KIF13A: variants seen among roughly 807,000 people sequenced by gnomAD.
KIF13A encodes kinesin family member 13A.
Under a neutral mutation model 212.2 loss-of-function variants are expected in KIF13A, and 79 were observed. That is an observed-to-expected ratio of 0.37 (90% CI 0.31 to 0.45). The LOEUF (loss-of-function observed/expected upper bound fraction) is 0.45, where lower values mean the gene tolerates loss of function less well. KIF13A is among the 20% of genes least tolerant of loss of function. The pLI is 1.00. For missense variants in KIF13A, 1,901 were observed against 2,209.0 expected (o/e 0.86, Z 2.79); for synonymous variants, 789 against 808.6 (o/e 0.98, Z 0.41).
At chr6:17,770,075 A>C (rs1759354808) in intron 38 of KIF13A, among the ~76,000 whole-genome samples, 1 of 152,194 alleles carries the variant, frequency 6.6e-6, no homozygotes, top group Non-Finnish European at 1.5e-5. Context: ...GGCCAACTGC[A>C]TATCTGGATT....
rs1777468134 is a variant in KIF13A at position 17,947,109 on chromosome 6, C to A, written c.146+39945G>T. On this transcript the variant is annotated intron_variant, in intron 2 of 38. Coordinates refer to ENST00000259711, the MANE Select transcript of KIF13A (RefSeq NM_022113.6). This position sits in a 1 kb window ranked among gnomAD's most constrained non-coding sequence, Gnocchi z 4.6. ...CATTTACAAAAATATTAAAACCAGGCAAATATAATATTAAAGTTGTTAAAT... is the reference window on the plus strand; with the variant it reads ...CATTTACAAAAATATTAAAACCAGGAAAATATAATATTAAAGTTGTTAAAT... Among the ~76,000 whole-genome samples, 1 of 151,876 alleles carries A rather than the reference C, an allele frequency of 6.6e-6. No individual in the cohort carries two copies. The highest frequency in any genetic ancestry group is 2.4e-5 in the African/African-American group (1 of 41,332).
rs189350657 is a variant in KIF13A at position 17,776,068 on chromosome 6, G to A, written c.4171-1006C>T. ...TAATTTTGTATTTTTAGTAGAGACC[G>A]GGTTTCTCCATGTTGGTCAGGCTGG... On this transcript the variant is annotated intron_variant, in intron 34 of 38. Coordinates refer to ENST00000259711, the MANE Select transcript of KIF13A (RefSeq NM_022113.6). This position sits in a 1 kb window ranked among gnomAD's most constrained non-coding sequence, Gnocchi z 4.6. Among the ~76,000 whole-genome samples the A allele has an allele frequency of 1.8e-3, 280 of 152,088 alleles. 6 individuals carry two copies. Among genetic ancestry groups the A allele is most frequent in the Non-Finnish European group, 4.9e-4 (33 of 67,990 alleles).
chr6:17,886,285 C>T lies in KIF13A; in HGVS notation c.159+11883G>A, dbSNP rs1771527438. 1.3e-5 allele frequency among the ~76,000 whole-genome samples: 2 copies of T among 152,166 alleles called. No individual in the cohort carries two copies. Among genetic ancestry groups the T allele is most frequent in the African/African-American group, 4.8e-5 (2 of 41,424 alleles). On this transcript the variant is annotated intron_variant, in intron 3 of 38. Coordinates refer to ENST00000259711, the MANE Select transcript of KIF13A (RefSeq NM_022113.6). The surrounding 1 kb of genome is among the most constrained non-coding windows in gnomAD (Gnocchi z 5.6). ...GTCCCCTCTGCCTCACTGCACCATGCCAGGTACATAGAGCCACAGAGAGGA... is the reference window on the plus strand; with the variant it reads ...GTCCCCTCTGCCTCACTGCACCATGTCAGGTACATAGAGCCACAGAGAGGA...
chr6:17,927,910 G>A (rs1013050759), intron 2 of KIF13A, among the ~76,000 whole-genome samples: 1 of 152,236 alleles, frequency 6.6e-6, no homozygotes, highest in African/African-American at 2.4e-5. Context: ...ACACTCCAGA[G>A]GCTGGCACCA....
rs190900822 is a variant in KIF13A at position 17,957,480 on chromosome 6, T to C, written c.146+29574A>G. Among the ~76,000 whole-genome samples, 995 of 152,236 alleles carry C rather than the reference T, an allele frequency of 6.5e-3. 2 individuals are homozygous for C. Among genetic ancestry groups the C allele is most frequent in the Non-Finnish European group, 0.011 (742 of 68,014 alleles). On this transcript the variant is annotated intron_variant, in intron 2 of 38. Coordinates refer to ENST00000259711, the MANE Select transcript of KIF13A (RefSeq NM_022113.6). ...ATAATCAACTGGTAAATATAAGTGCTCCCCTGAGTTCTGTGAGCCTCTCCA... is the reference window on the plus strand; with the variant it reads ...ATAATCAACTGGTAAATATAAGTGCCCCCCTGAGTTCTGTGAGCCTCTCCA...
Position 17,869,020 on chromosome 6 carries a change from A to AAAAAAAAC in KIF13A, c.220+4356_220+4357insGTTTTTTT, listed in dbSNP as rs1769736972. ...AAAAAAAAAAAAAAAAAAAAAAAAA[A>AAAAAAAAC]CACAAATAAATAAAATGTAAAATAC... On this transcript the variant is annotated intron_variant, in intron 4 of 38. Transcript: ENST00000259711. 3.2e-5 allele frequency among the ~76,000 whole-genome samples: 4 copies of AAAAAAAAC among 124,040 alleles called. 1 individual carries two copies. In the South Asian group the frequency reaches 1.1e-3, roughly 34 times the overall value. 81.4% of individuals were successfully genotyped at this position (124,040 alleles called of 152,430 possible). A position where few individuals can be genotyped will look rare whatever the true frequency, so the allele number is the denominator to read the frequency against.
intron 2 of KIF13A, among the ~76,000 whole-genome samples, chr6:17,955,396 G>A (rs774367541): frequency 1.4e-4 from 21 of 152,146 alleles, no homozygotes; most frequent in Non-Finnish European, 2.8e-4. Flanking sequence ...GTGCTCCCTT[G>A]AGTAACTGAT....
chr6:17,868,989 CAAAAAAAAAA>C (rs71002278), intron 4 of KIF13A, among the ~76,000 whole-genome samples: 102 of 20,912 alleles, frequency 4.9e-3, no homozygotes, highest in Admixed American at 0.019. Context: ...GACTCCCTCT[CAAAAAAAAAA>C]AAAAAAAAAA....
At chr6:17,852,664 A>G (rs775250335) in intron 6 of KIF13A, among the ~76,000 whole-genome samples, 1 of 152,142 alleles carries the variant, frequency 6.6e-6, no homozygotes, top group Non-Finnish European at 1.5e-5. Flanking sequence ...GCAATCCTCC[A>G]GCCTCAGCCT....
intron 16 of KIF13A, 79 bp from the exon 17 acceptor site, chr6:17,817,312 GAGGCTTCCTCTAGCA>G: frequency 7.8e-7 from 1 of 1,281,210 alleles, no homozygotes; most frequent in East Asian, 2.3e-5. Context: ...CAGCCTGTGG[GAGGCTTCCTCTAGCA>G]AGGAATCTAG....
At position 17,855,651 on chromosome 6, in the gene KIF13A, G is replaced by C. The variant is rs1238750451; in HGVS notation, c.314-34C>G. On this transcript the variant is annotated intron_variant, in intron 5 of 38. Transcript: ENST00000259711. This position sits in a 1 kb window ranked among gnomAD's most constrained non-coding sequence, Gnocchi z 4.1. ...CAGCAAGGAAAAAGAAGAACAGGTA[G>C]AGGAGGGAGCAAAATGCAATGCTTC... 2.6e-6 allele frequency: 4 copies of C among 1,533,336 alleles called. No homozygotes were observed. The highest frequency in any genetic ancestry group is 1.2e-5 in the South Asian group (1 of 83,220). The allele number at this position is 1,533,336 out of a possible 1,614,324, so 95.0% of individuals were successfully genotyped here.
At chr6:17,939,683 G>C (rs1776777865) in intron 2 of KIF13A, among the ~76,000 whole-genome samples, 5 of 152,156 alleles carry the variant, frequency 3.3e-5, no homozygotes, top group Admixed American at 3.3e-4. Flanking sequence ...CCAAAACCAA[G>C]ATGGCAAGGA....
chr6:17,856,131 CA>C lies in KIF13A; in HGVS notation c.221-10del. Reference sequence around the variant, plus strand: ...GAAAACCACTTCTTGACCTAAAAAACAAGACAAATATTAAAAACTAATAAAA... The same window carrying C: ...GAAAACCACTTCTTGACCTAAAAAACAGACAAATATTAAAAACTAATAAAA... On this transcript the variant is annotated splice_polypyrimidine_tract_variant and intron_variant, in intron 4 of 38. Transcript: ENST00000259711. The surrounding 1 kb of genome is among the most constrained non-coding windows in gnomAD (Gnocchi z 4.5). 1 of 1,574,494 alleles carries C rather than the reference CA, an allele frequency of 6.4e-7. No individual in the cohort carries two copies. Among genetic ancestry groups the C allele is most frequent in the South Asian group, 1.1e-5 (1 of 88,908 alleles).
In KIF13A at chr6:17,948,557, C is replaced by CTTTTTTT. The variant is rs71002289; in HGVS notation, c.146+38490_146+38496dup. 2.5e-3 allele frequency among the ~76,000 whole-genome samples: 214 copies of CTTTTTTT among 84,098 alleles called. 2 individuals are homozygous for CTTTTTTT. Among genetic ancestry groups the CTTTTTTT allele is most frequent in the Non-Finnish European group, 3.0e-3 (144 of 48,066 alleles). The allele number at this position is 84,098 out of a possible 152,430, so 55.2% of individuals were successfully genotyped here. ...CACAGTACCACATAACATCCATTTA[C>CTTTTTTT]TTTTTTTTTTTTTTTTTTTTTTTTG... On this transcript the variant is annotated intron_variant, in intron 2 of 38. Transcript: ENST00000259711.
chr6:17,877,500 T>C (rs1021332380), intron 3 of KIF13A, among the ~76,000 whole-genome samples: 1 of 152,216 alleles, frequency 6.6e-6, no homozygotes, highest in African/African-American at 2.4e-5. Flanking sequence ...GATGATGATC[T>C]ATCTTGTTTT....
intron 2 of KIF13A, among the ~76,000 whole-genome samples, chr6:17,965,950 C>T (rs1327515051): frequency 2.0e-5 from 3 of 152,114 alleles, no homozygotes; most frequent in African/African-American, 4.8e-5. Flanking sequence ...CTGAGGCAGG[C>T]GGATCACTTG....
At chr6:17,908,588 A>G (rs1034371547) in intron 2 of KIF13A, among the ~76,000 whole-genome samples, 3 of 152,166 alleles carry the variant, frequency 2.0e-5, no homozygotes, top group Non-Finnish European at 4.4e-5. Flanking sequence ...TAGGCGACAG[A>G]GCGAGACTGT....
chr6:17,771,420 A>AC lies in KIF13A; in HGVS notation c.4477-203_4477-202insG. On this transcript the variant is annotated intron_variant, in intron 37 of 38. Transcript: ENST00000259711. This position sits in a 1 kb window ranked among gnomAD's most constrained non-coding sequence, Gnocchi z 5.4. ...AGATTCTGTGGCAAAAAGCATAATT[A>AC]GTCTTATTTAAAAAACAGCCTTTTG... is the stretch of plus-strand genomic sequence containing the variant. 1 of 553,026 alleles carries AC rather than the reference A, an allele frequency of 1.8e-6. No individual in the cohort carries two copies. The highest frequency in any genetic ancestry group is 3.2e-6 in the Non-Finnish European group (1 of 311,274). The allele number at this position is 553,026 out of a possible 1,614,324, so 34.3% of individuals were successfully genotyped here. A position where few individuals can be genotyped will look rare whatever the true frequency, so the allele number is the denominator to read the frequency against.
rs1471842531 is a variant in KIF13A at position 17,828,673 on chromosome 6, G to A, written c.1402-303C>T. Among the ~76,000 whole-genome samples the A allele has an allele frequency of 6.6e-6, 1 of 152,112 alleles. No homozygotes were observed. The highest frequency in any genetic ancestry group is 1.5e-5 in the Non-Finnish European group (1 of 68,026). On this transcript the variant is annotated intron_variant, in intron 13 of 38. Transcript: ENST00000259711. This position sits in a 1 kb window ranked among gnomAD's most constrained non-coding sequence, Gnocchi z 4.3. ...TGAGTTTCAATTGTGACTTGACCAC[G>A]GGGAAGCCATTTCACTCTCTGAGCC...
Sources: allele counts gnomAD v4.1 joint callset (sites outside exome capture counted in the v4.1 genomes callset), GRCh38; gene constraint gnomAD v4.1.1; non-coding constraint Gnocchi (gnomAD v3.1); transcripts MANE v1.5; gene names NCBI Gene and HGNC (gene_info 2026-07-23, HGNC 2026-07-21).